CDKL4: variants seen among roughly 807,000 people sequenced by gnomAD.
CDKL4 encodes cyclin-dependent kinase-like 4.
A neutral mutation model predicts 42.0 loss-of-function variants in CDKL4; 44 were observed. The ratio of observed to expected loss-of-function variants is 1.05; its 90% CI spans 0.82 to 1.35. The LOEUF is 1.35. CDKL4 is among the 40% of genes most tolerant of loss of function. CDKL4 has a pLI of 0.00. For synonymous variants in CDKL4, 120 were observed against 121.6 expected (o/e 0.99, Z 0.09); for missense variants, 393 against 369.9 (o/e 1.06, Z -0.51).
chr2:39,235,627 T>C (rs1254444521), intron 1 of CDKL4, among the ~76,000 whole-genome samples: 2 of 152,074 alleles, frequency 1.3e-5, no homozygotes, highest in African/African-American at 4.8e-5. Flanking sequence ...CATGCCAGTA[T>C]TCCTAGCTAC....
downstream of CDKL4, among the ~76,000 whole-genome samples, chr2:39,173,827 A>C (rs1675066228): frequency 6.7e-6 from 1 of 149,010 alleles, no homozygotes; most frequent in Non-Finnish European, 1.5e-5. Context: ...AAAAAAAAAA[A>C]AAAAAATTAG....
At chr2:39,245,366 G>A (rs966546747), upstream of CDKL4, among the ~76,000 whole-genome samples, 5 of 151,938 alleles carry the variant, frequency 3.3e-5, no homozygotes, top group African/African-American at 1.2e-4. Context: ...GCGAGACCAC[G>A]AACCCACCAG....
chr2:39,244,548 G>A (rs1313992210), upstream of CDKL4, among the ~76,000 whole-genome samples: 1 of 152,218 alleles, frequency 6.6e-6, no homozygotes, highest in Non-Finnish European at 1.5e-5. Context: ...CGCCATACCT[G>A]AGCCTCCCAC....
chr2:39,231,580 C>G (rs751036261), intron 1 of CDKL4, among the ~76,000 whole-genome samples: 5 of 152,216 alleles, frequency 3.3e-5, no homozygotes, highest in Admixed American at 1.3e-4. Flanking sequence ...AGCATACACA[C>G]TCAAGTAACA....
intron 8 of CDKL4, 152 bp from the exon 9 acceptor site, chr2:39,179,473 G>T: frequency 1.7e-6 from 1 of 581,890 alleles, no homozygotes; most frequent in Non-Finnish European, 2.8e-6. Flanking sequence ...CTAATAGCTA[G>T]GATTGCTCTT....
intron 4 of CDKL4, among the ~76,000 whole-genome samples, chr2:39,205,904 C>T (rs993279343): frequency 6.6e-6 from 1 of 152,126 alleles, no homozygotes; most frequent in Admixed American, 6.5e-5. Flanking sequence ...AAGCATTCCG[C>T]GCCAGGGGAT....
At chr2:39,215,994 G>A (rs1032654489) in intron 3 of CDKL4, among the ~76,000 whole-genome samples, 2 of 152,198 alleles carry the variant, frequency 1.3e-5, no homozygotes, top group Admixed American at 6.5e-5. Flanking sequence ...ACAACATTGC[G>A]TACACTTTCA....
chr2:39,221,018 G>GT (rs1678323196), intron 3 of CDKL4, among the ~76,000 whole-genome samples: 35 of 67,308 alleles, frequency 5.2e-4, no homozygotes, highest in African/African-American at 2.0e-3. Flanking sequence ...TTTTTGTTTT[G>GT]TTTTTGTTTT....
chr2:39,174,033 A>G (rs1309146082), downstream of CDKL4, among the ~76,000 whole-genome samples: 1 of 151,954 alleles, frequency 6.6e-6, no homozygotes, highest in African/African-American at 2.4e-5. Flanking sequence ...CCTGATAACA[A>G]GATGAAAATA....
At chr2:39,185,441 C>CAT (rs375305403) in intron 7 of CDKL4, among the ~76,000 whole-genome samples, 704 of 5,786 alleles carry the variant, frequency 0.12, 268 homozygotes, top group Non-Finnish European at 0.38. Flanking sequence ...TGTATATATA[C>CAT]ATGTATATAT....
intron 7 of CDKL4, among the ~76,000 whole-genome samples, chr2:39,185,377 TGTATATATAC>T (rs1415842002): frequency 1.4e-4 from 5 of 36,824 alleles, no homozygotes; most frequent in East Asian, 6.5e-4. Context: ...TATATACATA[TGTATATATAC>T]ATGTATATAT....
chr2:39,190,578 T>C, intron 5 of CDKL4, 76 bp from the exon 6 acceptor site: 4 of 1,257,536 alleles, frequency 3.2e-6, no homozygotes, highest in Non-Finnish European at 3.5e-6. Flanking sequence ...CATCAGGCAT[T>C]CAGGCTGCAA....
chr2:39,184,995 A>G (rs1675638856), intron 7 of CDKL4, among the ~76,000 whole-genome samples: 1 of 151,144 alleles, frequency 6.6e-6, no homozygotes, highest in Admixed American at 6.6e-5. Context: ...TCAGTCTCCC[A>G]AAGTGCAGGG....
At chr2:39,211,407 A>C (rs976975699) in intron 4 of CDKL4, among the ~76,000 whole-genome samples, 2 of 152,122 alleles carry the variant, frequency 1.3e-5, no homozygotes. Context: ...GATATATAGC[A>C]AAGGTACCAG....
chr2:39,227,756 A>C (rs757325813), intron 2 of CDKL4, among the ~76,000 whole-genome samples: 2 of 152,230 alleles, frequency 1.3e-5, no homozygotes, highest in African/African-American at 2.4e-5. Context: ...AGATTTACAG[A>C]TACTACAGTT....
intron 1 of CDKL4, among the ~76,000 whole-genome samples, chr2:39,231,302 C>T (rs1287127202): frequency 2.6e-5 from 4 of 152,168 alleles, no homozygotes; most frequent in Admixed American, 6.5e-5. Context: ...AACAAAATGT[C>T]AAGTGAAAAA....
the CDKL4 span, among the ~76,000 whole-genome samples, chr2:39,168,462 G>A: frequency 1.3e-5 from 2 of 152,172 alleles, no homozygotes; most frequent in South Asian, 2.1e-4. Flanking sequence ...CAGGCCAGGC[G>A]CGGTGGCTTA....
In CDKL4 at chr2:39,213,893, TG is replaced by T. The variant is rs1393416131; in HGVS notation, c.291-422del. On this transcript the variant is annotated intron_variant, in intron 3 of 9. Coordinates refer to ENST00000451199, the Ensembl canonical transcript of CDKL4. ...TCCCTGTCTCTCTCTGTACTTTTTT[TG>T]TTTTGTTTTGTTTTGTTTTGTTTTG... Among the ~76,000 whole-genome samples the T allele has an allele frequency of 9.3e-3, 1,182 of 126,490 alleles. 14 individuals carry two copies. Among genetic ancestry groups the T allele is most frequent in the African/African-American group, 0.035 (1,132 of 32,640 alleles). The allele number at this position is 126,490 out of a possible 152,430, so 83.0% of individuals were successfully genotyped here.
At chr2:39,179,024 G>T in intron 9 of CDKL4, 163 bp downstream of exon 9, 2 of 1,471,888 alleles carry the variant, frequency 1.4e-6, no homozygotes, top group East Asian at 2.3e-5. Context: ...TAGTTCTATG[G>T]TTTTATTACA....
Sources: allele counts gnomAD v4.1 joint callset (sites outside exome capture counted in the v4.1 genomes callset), GRCh38; gene constraint gnomAD v4.1.1; transcripts MANE v1.5; gene names NCBI Gene and HGNC (gene_info 2026-07-23, HGNC 2026-07-21).